Variants in ADGRV1 observed in about 807,000 individuals in gnomAD.
The protein encoded by ADGRV1 is adhesion G protein-coupled receptor V1.
ADGRV1 carries 359 observed loss-of-function variants against 596.2 expected under a neutral mutation model. The observed-to-expected ratio is 0.60, with a 90% CI of 0.55 to 0.66. The LOEUF (loss-of-function observed/expected upper bound fraction) is 0.66, where lower values mean the gene tolerates loss of function less well. Among genes scored for constraint, ADGRV1 ranks in the 30% least tolerant of loss-of-function variants. The pLI is 0.00. For synonymous variants in ADGRV1, 2,681 were observed against 2,679.2 expected, an observed-to-expected ratio of 1.00 and a Z score of -0.02; for missense variants, 7,274 against 7,575.6, an observed-to-expected ratio of 0.96 and a Z score of 1.48.
At chr5:91,135,900 C>T (rs930562420) in intron 87 of ADGRV1, among the ~76,000 whole-genome samples, 4 of 152,120 alleles carry the variant, frequency 2.6e-5, no homozygotes. Flanking sequence ...GAAGCATCTC[C>T]ACACCGTGGA....
intron 50 of ADGRV1, among the ~76,000 whole-genome samples, chr5:90,733,420 C>A (rs891870310): frequency 6.6e-6 from 1 of 152,100 alleles, no homozygotes. Flanking sequence ...TTGGAGACAT[C>A]CATGCGTGGG....
At chr5:91,152,180 A>C (rs959427058) in intron 88 of ADGRV1, among the ~76,000 whole-genome samples, 4 of 152,222 alleles carry the variant, frequency 2.6e-5, no homozygotes, top group Admixed American at 2.0e-4. Context: ...AAGTGCCGTC[A>C]GAGACATTCT....
chr5:90,851,133 G>GTGTGTGTGTGTA (rs1766461242), intron 79 of ADGRV1, among the ~76,000 whole-genome samples: 1 of 112,264 alleles, frequency 8.9e-6, no homozygotes, highest in Admixed American at 1.1e-4. Flanking sequence ...GTGTGTGTGT[G>GTGTGTGTGTGTA]TGAGAGAGAG....
chr5:90,592,661 A>G (rs1433971276), intron 1 of ADGRV1, among the ~76,000 whole-genome samples: 4 of 152,228 alleles, frequency 2.6e-5, no homozygotes, highest in East Asian at 1.9e-4. Context: ...TGAACAGGCA[A>G]CCTATGGAAT....
At chr5:90,797,239 A>G (rs1193218046) in intron 70 of ADGRV1, among the ~76,000 whole-genome samples, 1 of 145,042 alleles carries the variant, frequency 6.9e-6, no homozygotes, top group African/African-American at 2.5e-5. Context: ...AGACACACAT[A>G]GGCTCAATAT....
intron 73 of ADGRV1, among the ~76,000 whole-genome samples, chr5:90,809,067 C>G (rs931167882): frequency 1.3e-5 from 2 of 151,698 alleles, no homozygotes; most frequent in Admixed American, 1.3e-4. Flanking sequence ...CTGCCTCAGC[C>G]TCCCGAGTAG....
chr5:90,988,338 C>A (rs941626739), intron 85 of ADGRV1, among the ~76,000 whole-genome samples: 1 of 152,036 alleles, frequency 6.6e-6, no homozygotes, highest in Non-Finnish European at 1.5e-5. Flanking sequence ...AATAGTAATA[C>A]CCTGGTTAAG....
intron 85 of ADGRV1, among the ~76,000 whole-genome samples, chr5:90,986,678 A>G (rs1335578509): frequency 6.6e-6 from 1 of 152,152 alleles, no homozygotes; most frequent in Non-Finnish European, 1.5e-5. Context: ...TTATATTATA[A>G]TGTATTTTAT....
At position 90,694,624 on chromosome 5, in the gene ADGRV1, A is replaced by G. The variant is rs1427883699; in HGVS notation, c.7868A>G (p.Glu2623Gly). The change falls in exon 33 of 90, where the codon GAA (glutamate) becomes GGA (glycine). Residue 2623 changes from glutamate to glycine, a missense_variant. By Grantham distance (98) the Glu-to-Gly change is moderately conservative. Coordinates refer to ENST00000405460, the MANE Select transcript of ADGRV1 (RefSeq NM_032119.4). ...GGCAGCTTAGGTCAAGTGGCAGTCG[A>G]ATGGCGTGTTGTTGGTGGAACAGCT... ...TGGSLGQVAVEWRVVGGTATE... is the reference protein window; with the variant it reads ...TGGSLGQVAVGWRVVGGTATE... 1 of 1,613,588 alleles carries G rather than the reference A, an allele frequency of 6.2e-7. No homozygotes were observed. The highest frequency in any genetic ancestry group is 1.7e-5 in the Admixed American group (1 of 59,964).
chr5:90,794,504 T>G (rs1263614559), intron 70 of ADGRV1, among the ~76,000 whole-genome samples: 1 of 152,202 alleles, frequency 6.6e-6, no homozygotes, highest in African/African-American at 2.4e-5. Flanking sequence ...TGTGAGAAGC[T>G]CAGCAGATAC....
At chr5:90,901,063 A>C (rs1771795098) in intron 83 of ADGRV1, among the ~76,000 whole-genome samples, 1 of 152,024 alleles carries the variant, frequency 6.6e-6, no homozygotes, top group Non-Finnish European at 1.5e-5. Context: ...CTTTTTCCTC[A>C]AGAGATATAA....
At chr5:90,566,617 T>C (rs1030395703) in intron 1 of ADGRV1, among the ~76,000 whole-genome samples, 3 of 152,140 alleles carry the variant, frequency 2.0e-5, no homozygotes, top group Non-Finnish European at 2.9e-5. Context: ...ATTTTCTTAA[T>C]TTTATTTTTG....
intron 83 of ADGRV1, chr5:90,929,781 TGG>T (rs1275029480): frequency 1.3e-5 from 2 of 152,240 alleles, no homozygotes; most frequent in African/African-American, 4.8e-5. Flanking sequence ...TCATATTAGT[TGG>T]TACAGTATGG....
chr5:90,682,034 T>A (rs1327449259), intron 27 of ADGRV1, among the ~76,000 whole-genome samples: 1 of 152,032 alleles, frequency 6.6e-6, no homozygotes, highest in Non-Finnish European at 1.5e-5. Flanking sequence ...GCCCGGCTAA[T>A]TTTGTATTTT....
chr5:91,062,121 G>A (rs1264433492), intron 85 of ADGRV1, among the ~76,000 whole-genome samples: 2 of 152,148 alleles, frequency 1.3e-5, no homozygotes, highest in East Asian at 3.8e-4. Context: ...TCTCATTTGT[G>A]TGTTGTTACT....
chr5:90,632,147 AT>A (rs1326808028), intron 9 of ADGRV1, among the ~76,000 whole-genome samples: 2 of 151,626 alleles, frequency 1.3e-5, no homozygotes, highest in South Asian at 2.1e-4. Context: ...TTTTTTTGGG[AT>A]TTTTTTGGTC....
chr5:90,579,702 G>A (rs1757720076), intron 1 of ADGRV1, among the ~76,000 whole-genome samples: 1 of 152,068 alleles, frequency 6.6e-6, no homozygotes, highest in African/African-American at 2.4e-5. Context: ...TGTTGACAGT[G>A]GGGTGTTAAA....
At chr5:90,899,324 G>C (rs1771616090) in intron 83 of ADGRV1, 1 of 152,170 alleles carries the variant, frequency 6.6e-6, no homozygotes, top group Admixed American at 6.6e-5. Flanking sequence ...TGGATCCCAG[G>C]TTGGTCCCAG....
At chr5:90,820,577 T>G (rs374973912) in intron 75 of ADGRV1, among the ~76,000 whole-genome samples, 1 of 151,910 alleles carries the variant, frequency 6.6e-6, no homozygotes, top group African/African-American at 2.4e-5. Flanking sequence ...CCATGTTTAG[T>G]GCTTGCTTCA....
Sources: gnomAD v4.1 joint callset for allele counts (sites outside exome capture counted in the v4.1 genomes callset) on GRCh38, gnomAD v4.1.1 for gene constraint, MANE v1.5 for transcripts, NCBI Gene and HGNC (gene_info 2026-07-23, HGNC 2026-07-21) for gene names.